Variants in RBMS1 observed in about 807,000 individuals in gnomAD.
RBMS1 encodes RNA-binding motif, single-stranded-interacting protein 1.
Under a neutral mutation model 62.3 loss-of-function variants are expected in RBMS1, and 17 were observed. That is an observed-to-expected ratio of 0.27 (90% CI 0.19 to 0.41). RBMS1 has a LOEUF of 0.41. RBMS1 is among the 10% of genes least tolerant of loss of function. The probability of loss-of-function intolerance (pLI) is 1.00; values close to 1 mark genes in which losing one functional copy is unlikely to be tolerated. For missense variants in RBMS1, 334 were observed against 504.5 expected (o/e 0.66, Z 3.24); for synonymous variants, 172 against 170.0 (o/e 1.01, Z -0.09).
At chr2:160,404,624 C>T (rs1250595286) in intron 1 of RBMS1, among the ~76,000 whole-genome samples, 1 of 152,142 alleles carries the variant, frequency 6.6e-6, no homozygotes, top group African/African-American at 2.4e-5. Flanking sequence ...GACCTTGAGC[C>T]ATCCTGGAAC....
intron 1 of RBMS1, among the ~76,000 whole-genome samples, chr2:160,450,590 T>C (rs1683941343): frequency 1.5e-5 from 2 of 135,254 alleles, no homozygotes; most frequent in Admixed American, 7.9e-5. Context: ...CAAAAAACAT[T>C]AACCCAGTTT....
At position 160,285,164 on chromosome 2, in the gene RBMS1, G is replaced by A. The variant is rs1688311663; in HGVS notation, c.757-120C>T. The A allele has an allele frequency of 6.4e-6, 6 of 936,332 alleles. No individual in the cohort carries two copies. In the South Asian group the frequency reaches 7.0e-5, roughly 11 times the overall value. 58.0% of individuals were successfully genotyped at this position (936,332 alleles called of 1,614,324 possible). ...CCCAGCTGCTGGGGAGGCTGAGGTGGGAAGATCCTTTTGAAGCCCAGGAGT... is the reference window on the plus strand; with the variant it reads ...CCCAGCTGCTGGGGAGGCTGAGGTGAGAAGATCCTTTTGAAGCCCAGGAGT... On this transcript the variant is annotated intron_variant, in intron 7 of 13. Coordinates refer to ENST00000348849, the MANE Select transcript of RBMS1 (RefSeq NM_016836.4).
At chr2:160,324,491 T>C (rs1323947301) in intron 2 of RBMS1, among the ~76,000 whole-genome samples, 1 of 152,088 alleles carries the variant, frequency 6.6e-6, no homozygotes, top group Non-Finnish European at 1.5e-5. Flanking sequence ...TTTATGAATA[T>C]TATTAAACCT....
intron 1 of RBMS1, among the ~76,000 whole-genome samples, chr2:160,442,670 T>G (rs574149213): frequency 3.9e-5 from 6 of 152,332 alleles, no homozygotes; most frequent in African/African-American, 1.4e-4. Context: ...CTAATTTTAG[T>G]GAAAGTCTTA....
At chr2:160,435,528 T>C (rs143335110) in intron 1 of RBMS1, among the ~76,000 whole-genome samples, 13 of 152,232 alleles carry the variant, frequency 8.5e-5, no homozygotes, top group African/African-American at 2.9e-4. Flanking sequence ...TGTTTAATAG[T>C]TGGAATGCAA....
chr2:160,456,795 C>T (rs992203084), intron 1 of RBMS1, among the ~76,000 whole-genome samples: 7 of 152,182 alleles, frequency 4.6e-5, no homozygotes, highest in Admixed American at 1.3e-4. Flanking sequence ...AATTTGGCTT[C>T]TTCTCCAGCC....
chr2:160,278,266 G>A (rs1687935740), intron 11 of RBMS1: 2 of 425,500 alleles, frequency 4.7e-6, no homozygotes, highest in Non-Finnish European at 8.6e-6. Flanking sequence ...CAGGGACAGT[G>A]GTACTAGTTA....
chr2:160,458,748 G>A (rs1247790327), intron 1 of RBMS1, among the ~76,000 whole-genome samples: 2 of 150,358 alleles, frequency 1.3e-5, no homozygotes, highest in Non-Finnish European at 2.9e-5. Context: ...AGTGAGCCGA[G>A]ATCGTGCCAT....
intron 2 of RBMS1, among the ~76,000 whole-genome samples, chr2:160,326,934 G>A (rs1267739366): frequency 1.3e-5 from 2 of 152,146 alleles, no homozygotes; most frequent in African/African-American, 4.8e-5. Context: ...GAATCACAAA[G>A]TTCACTTTTC....
chr2:160,492,813 G>A (rs1559619367), intron 1 of RBMS1: 2 of 153,602 alleles, frequency 1.3e-5, no homozygotes, highest in African/African-American at 4.8e-5. Flanking sequence ...TCGCGTGCGC[G>A]GGAGGTGGAG....
At chr2:160,330,212 G>C (rs1691179341) in intron 2 of RBMS1, among the ~76,000 whole-genome samples, 1 of 152,176 alleles carries the variant, frequency 6.6e-6, no homozygotes, top group African/African-American at 2.4e-5. Flanking sequence ...AGAAACCTGG[G>C]AAGATGAAAT....
chr2:160,414,056 C>CT (rs1696125026), intron 1 of RBMS1, among the ~76,000 whole-genome samples: 4 of 152,220 alleles, frequency 2.6e-5, no homozygotes, highest in African/African-American at 9.6e-5. Context: ...ATCCTGGCTT[C>CT]ACCATTTACC....
chr2:160,443,216 A>G (rs1446733379), intron 1 of RBMS1, among the ~76,000 whole-genome samples: 1 of 149,400 alleles, frequency 6.7e-6, no homozygotes, highest in African/African-American at 2.4e-5. Context: ...GAAAACAAAA[A>G]AAAAAACAAA....
intron 2 of RBMS1, among the ~76,000 whole-genome samples, chr2:160,329,343 T>C (rs541913127): frequency 6.6e-6 from 1 of 152,330 alleles, no homozygotes; most frequent in Non-Finnish European, 1.5e-5. Context: ...TTGACGTTTC[T>C]AAACTTAGAC....
intron 1 of RBMS1, among the ~76,000 whole-genome samples, chr2:160,422,448 T>C (rs1308073238): frequency 6.6e-6 from 1 of 152,240 alleles, no homozygotes; most frequent in East Asian, 1.9e-4. Flanking sequence ...ACATTTTAAT[T>C]GTGCCAGACA....
At chr2:160,303,746 G>C (rs1321668454) in intron 4 of RBMS1, among the ~76,000 whole-genome samples, 2 of 152,230 alleles carry the variant, frequency 1.3e-5, no homozygotes, top group Non-Finnish European at 1.5e-5. Context: ...TGCCCTCATG[G>C]AACCACAACT....
Position 160,475,000 on chromosome 2 carries a change from T to G in RBMS1, c.75+18289A>C, listed in dbSNP as rs114958632. On this transcript the variant is annotated intron_variant, in intron 1 of 13. Transcript: ENST00000348849. The stretch of plus-strand genomic sequence containing the variant: ...GTTATGGACTTAAGATAATGCAGAT[T>G]TCTGAAGACAGCCTAAAAAATCCCA... Among the ~76,000 whole-genome samples, 1,267 of 152,312 alleles carry G rather than the reference T, an allele frequency of 8.3e-3. 22 individuals are homozygous for G. Among genetic ancestry groups the G allele is most frequent in the African/African-American group, 0.027 (1,126 of 41,558 alleles).
chr2:160,464,349 T>C (rs557601503), intron 1 of RBMS1, among the ~76,000 whole-genome samples: 35 of 152,262 alleles, frequency 2.3e-4, no homozygotes, highest in African/African-American at 6.0e-4. Context: ...TCAAAAACAA[T>C]GCTGCATGAA....
intron 1 of RBMS1, among the ~76,000 whole-genome samples, chr2:160,439,514 G>A (rs937530141): frequency 2.0e-5 from 3 of 151,264 alleles, no homozygotes; most frequent in Non-Finnish European, 4.4e-5. Flanking sequence ...GGGAGGAGGC[G>A]CTCCTCACTT....
Sources: allele counts gnomAD v4.1 joint callset (sites outside exome capture counted in the v4.1 genomes callset), GRCh38; gene constraint gnomAD v4.1.1; transcripts MANE v1.5; gene names NCBI Gene and HGNC (gene_info 2026-07-23, HGNC 2026-07-21).